Variants in SPARC observed in about 807,000 individuals in gnomAD.
The protein encoded by SPARC is secreted protein acidic and cysteine rich.
Under a neutral mutation model 37.7 loss-of-function variants are expected in SPARC, and 23 were observed. The ratio of observed to expected loss-of-function variants is 0.61; its 90% CI spans 0.44 to 0.87. The LOEUF is 0.87. SPARC is among the 40% of genes least tolerant of loss of function. The probability of loss-of-function intolerance (pLI) is 0.00; values close to 1 mark genes in which losing one functional copy is unlikely to be tolerated. For missense variants in SPARC, 312 were observed against 389.0 expected, an observed-to-expected ratio of 0.80 and a Z score of 1.66; for synonymous variants, 155 against 150.8, an observed-to-expected ratio of 1.03 and a Z score of -0.20.
In SPARC at chr5:151,668,111, G is replaced by A. The variant is rs1235378934; in HGVS notation, c.452-511C>T. On this transcript the variant is annotated intron_variant, in intron 6 of 9. Transcript: ENST00000231061. ...TGTTGGACCTGAAGATTTCATCCAAGTCCACACTTTTCTTTTCCTTTTCTT... is the reference window on the plus strand; with the variant it reads ...TGTTGGACCTGAAGATTTCATCCAAATCCACACTTTTCTTTTCCTTTTCTT... 3.3e-5 allele frequency among the ~76,000 whole-genome samples: 5 copies of A among 151,826 alleles called. No individual in the cohort carries two copies. The South Asian group carries it at 1.0e-3, about 32-fold the overall frequency.
chr5:151,676,895 A>G (rs1760870281), intron 1 of SPARC: 1 of 152,244 alleles, frequency 6.6e-6, no homozygotes, highest in African/African-American at 2.4e-5. Context: ...TAGTCTTGGA[A>G]TGTAACCCAT....
intron 7 of SPARC, 31 bp downstream of exon 7, chr5:151,667,436 C>G (rs756574041): frequency 2.2e-5 from 35 of 1,613,664 alleles, no homozygotes; most frequent in South Asian, 1.8e-4. Flanking sequence ...TTCACCAGCA[C>G]GGGGCCAGCA....
chr5:151,678,342 C>T (rs1376111768), intron 1 of SPARC, among the ~76,000 whole-genome samples: 1 of 152,212 alleles, frequency 6.6e-6, no homozygotes, highest in African/African-American at 2.4e-5. Flanking sequence ...CTGGGCGGCT[C>T]TTCTGTCTGT....
chr5:151,683,358 G>C (rs922622805), intron 1 of SPARC, among the ~76,000 whole-genome samples: 2 of 152,216 alleles, frequency 1.3e-5, no homozygotes, highest in African/African-American at 2.4e-5. Context: ...AGTATCCATG[G>C]GGCTTGTGTG....
chr5:151,677,709 TC>T lies in SPARC; in HGVS notation c.-13-1509del, dbSNP rs1760891657. ...TGGTCTCCTCTGGGATCATATGTCTTCACTTGTACTATAGCATTTGGGAAGC... is the reference window on the plus strand; with the variant it reads ...TGGTCTCCTCTGGGATCATATGTCTTACTTGTACTATAGCATTTGGGAAGC... On this transcript the variant is annotated intron_variant, in intron 1 of 9. Coordinates refer to ENST00000231061, the MANE Select transcript of SPARC (RefSeq NM_003118.4). 2.0e-5 allele frequency among the ~76,000 whole-genome samples: 3 copies of T among 152,156 alleles called. No homozygotes were observed. In the South Asian group the frequency reaches 6.2e-4, roughly 32 times the overall value.
At chr5:151,678,023 T>C (rs1760901696) in intron 1 of SPARC, among the ~76,000 whole-genome samples, 1 of 152,112 alleles carries the variant, frequency 6.6e-6, no homozygotes, top group Non-Finnish European at 1.5e-5. Context: ...AGACGCAAGA[T>C]AAATAACTCC....
At chr5:151,676,052 C>T (rs949875831) in intron 2 of SPARC, 80 bp downstream of exon 2, 6 of 1,164,956 alleles carry the variant, frequency 5.2e-6, no homozygotes, top group African/African-American at 3.1e-5. Flanking sequence ...TCCCTTTCAG[C>T]ATCCAGGGCT....
Position 151,671,658 on chromosome 5 carries a change from A to C in SPARC, c.245T>G (p.Val82Gly). The C allele has an allele frequency of 6.2e-7, 1 of 1,613,290 alleles. No individual in the cohort carries two copies. Among genetic ancestry groups the C allele is most frequent in the South Asian group, 1.1e-5 (1 of 91,054 alleles). Residue 82 changes from valine (V) to glycine (G), a missense_variant, in exon 5 of 10, where the codon GTG becomes GGG. Transcript: ENST00000231061. ...CQNHHCKHGKVCELDENNTPM... is the reference protein window; with the variant it reads ...CQNHHCKHGKGCELDENNTPM... ...GGTGTTGTTCTCATCCAGCTCGCAC[A>C]CCTTGCCGTGTTTGCAGTGGTGGTT... is the stretch of plus-strand genomic sequence containing the variant.
intron 1 of SPARC, among the ~76,000 whole-genome samples, chr5:151,684,646 C>G (rs1581534288): frequency 6.7e-6 from 1 of 149,212 alleles, no homozygotes; most frequent in African/African-American, 2.5e-5. Context: ...TTCACTAGGT[C>G]TTTGGATGCC....
At chr5:151,685,239 ACT>A (rs927332996) in intron 1 of SPARC, 2 of 151,466 alleles carry the variant, frequency 1.3e-5, no homozygotes, top group East Asian at 1.9e-4. Flanking sequence ...CTGAGAGTTA[ACT>A]CTCTCTTTCC....
intron 9 of SPARC, 43 bp downstream of exon 9, chr5:151,664,044 G>A: frequency 4.3e-6 from 7 of 1,612,582 alleles, no homozygotes; most frequent in Non-Finnish European, 5.9e-6. Flanking sequence ...CCTGGGAGCA[G>A]TGTTTCTGCC....
chr5:151,679,810 A>G (rs905471908), intron 1 of SPARC: 2 of 152,208 alleles, frequency 1.3e-5, no homozygotes, highest in African/African-American at 4.8e-5. Flanking sequence ...GGACGTTAAA[A>G]AGCCACTGAA....
At position 151,664,033 on chromosome 5, in the gene SPARC, C is replaced by T. The variant is rs373668670; in HGVS notation, c.883+54G>A. On this transcript the variant is annotated intron_variant, in intron 9 of 9. Coordinates refer to ENST00000231061, the MANE Select transcript of SPARC (RefSeq NM_003118.4). ...AGAGTGGGGGGATGACAACCCAGCA[C>T]CCTGGGAGCAGTGTTTCTGCCCATG... 1.9e-6 allele frequency: 3 copies of T among 1,607,652 alleles called. No homozygotes were observed. The East Asian group carries it at 6.7e-5, about 36-fold the overall frequency.
At position 151,663,126 on chromosome 5, in the gene SPARC, C is replaced by G. The variant is rs1282566937; in HGVS notation, c.*445G>C. 1 of 164,420 alleles carries G rather than the reference C, an allele frequency of 6.1e-6. No individual in the cohort carries two copies. The highest frequency in any genetic ancestry group is 6.2e-5 in the Admixed American group (1 of 16,184). 10.2% of individuals were successfully genotyped at this position (164,420 alleles called of 1,614,324 possible). ...GACAACATCGTGTGTCTGTTACTTC[C>G]CTTTGCCCACCTCCAGGCCACCTGG... On this transcript the variant is annotated 3_prime_UTR_variant, in exon 10 of 10. Transcript: ENST00000231061.
chr5:151,667,763 T>C (rs1044321817), intron 6 of SPARC, 163 bp from the exon 7 acceptor site: 1 of 731,474 alleles, frequency 1.4e-6, no homozygotes, highest in African/African-American at 1.8e-5. Flanking sequence ...CAGAGGAGAT[T>C]ATGTGTGGGA....
Position 151,664,192 on chromosome 5 carries a change from T to A in SPARC, c.778A>T (p.Ile260Phe). ...CGGGTGGTGCAATGCTCCATGGGGATGAGGGGAGCACGCAGTGGAGCCAGC... is the reference window on the plus strand; with the variant it reads ...CGGGTGGTGCAATGCTCCATGGGGAAGAGGGGAGCACGCAGTGGAGCCAGC... ...TELAPLRAPLIPMEHCTTRFF... is the reference protein window; with the variant it reads ...TELAPLRAPLFPMEHCTTRFF... The change falls in exon 9 of 10, where the codon ATC (isoleucine) becomes TTC (phenylalanine). Residue 260 changes from isoleucine to phenylalanine, a missense_variant. Physicochemically the swap from Ile to Phe is conservative, Grantham distance 21. Coordinates refer to ENST00000231061, the MANE Select transcript of SPARC (RefSeq NM_003118.4). 6.2e-7 allele frequency: 1 copy of A among 1,613,942 alleles called. No homozygotes were observed. The highest frequency in any genetic ancestry group is 8.5e-7 in the Non-Finnish European group (1 of 1,179,952).
In SPARC at chr5:151,667,343, C is replaced by T. The variant is rs182683655; in HGVS notation, c.585+124G>A. On this transcript the variant is annotated intron_variant, in intron 7 of 9. Transcript: ENST00000231061. The stretch of plus-strand genomic sequence containing the variant: ...AAAGGCAGGAAGAGAAGTACGTGTC[C>T]TGGTGCTCAGGGGTAAATGCACGCT... 6.9e-3 allele frequency: 7,229 copies of T among 1,051,594 alleles called. 56 individuals carry two copies. Among genetic ancestry groups the T allele is most frequent in the Non-Finnish European group, 6.3e-3 (4,357 of 688,336 alleles). The allele number at this position is 1,051,594 out of a possible 1,614,324, so 65.1% of individuals were successfully genotyped here. A position where few individuals can be genotyped will look rare whatever the true frequency, so the allele number is the denominator to read the frequency against.
rs148883169 is a variant in SPARC, at chr5:151,663,592, G to A, written c.891C>T (p.Ile297=). The A allele has an allele frequency of 4.9e-5, 79 of 1,614,020 alleles. No homozygotes were observed. The African/African-American group carries it at 6.4e-4, about 13-fold the overall frequency. The change falls in exon 10 of 10, where the codon ATC becomes ATT. Residue 297 remains isoleucine (I), a synonymous_variant. Coordinates refer to ENST00000231061, the MANE Select transcript of SPARC (RefSeq NM_003118.4). ...AGCFGIKQKD[I]DKDLVI ...GGATTTAGATCACAAGATCCTTGTC[G>A]ATATCCTCTGCAAAGCAAGAAAAGA...
In SPARC at chr5:151,669,647, G is replaced by T. The variant is rs745739525; in HGVS notation, c.451+17C>A. 1.9e-6 allele frequency: 3 copies of T among 1,613,672 alleles called. No homozygotes were observed. In the South Asian group the frequency reaches 3.3e-5, roughly 18 times the overall value. ...TCTCCCCAAGACAGGAGTCTGGAAG[G>T]GCCCAAGGACACTCACATTTGCAAG... is the stretch of plus-strand genomic sequence containing the variant. On this transcript the variant is annotated intron_variant, in intron 6 of 9. Transcript: ENST00000231061.
Sources: gnomAD v4.1 joint callset for allele counts (sites outside exome capture counted in the v4.1 genomes callset) on GRCh38, gnomAD v4.1.1 for gene constraint, MANE v1.5 for transcripts, NCBI Gene and HGNC (gene_info 2026-07-23, HGNC 2026-07-21) for gene names.